GMDS: variants seen among roughly 807,000 people sequenced by gnomAD.
GMDS encodes the protein GDP-mannose 4,6-dehydratase.
A neutral mutation model predicts 49.9 loss-of-function variants in GMDS; 20 were observed. The ratio of observed to expected loss-of-function variants is 0.40; its 90% confidence interval spans 0.28 to 0.58. The LOEUF (loss-of-function observed/expected upper bound fraction) is 0.58. GMDS is among the 20% of genes least tolerant of loss of function. GMDS has a pLI of 0.42. For synonymous variants in GMDS, 177 were observed against 178.6 expected, an observed-to-expected ratio of 0.99 and a Z score of 0.07; for missense variants, 362 against 481.4, an observed-to-expected ratio of 0.75 and a Z score of 2.32.
chr6:1,989,599 G>C (rs1765796330), intron 4 of GMDS, among the ~76,000 whole-genome samples: 1 of 152,206 alleles, frequency 6.6e-6, no homozygotes, highest in Admixed American at 6.5e-5. Flanking sequence ...ACGCAAAAAA[G>C]CTCTGAGTAC....
chr6:1,821,852 G>T (rs954478195), intron 7 of GMDS, among the ~76,000 whole-genome samples: 2 of 152,032 alleles, frequency 1.3e-5, no homozygotes, highest in African/African-American at 4.8e-5. Context: ...TTGCGGCGGG[G>T]GAGGGGACGC....
chr6:2,117,137 G>A (rs983799795), intron 3 of GMDS, among the ~76,000 whole-genome samples: 2 of 152,112 alleles, frequency 1.3e-5, no homozygotes, highest in African/African-American at 2.4e-5. Flanking sequence ...TATAAAAAGC[G>A]GGTCGGTGCA....
chr6:1,877,908 A>C (rs1197893571), intron 7 of GMDS, among the ~76,000 whole-genome samples: 1 of 152,180 alleles, frequency 6.6e-6, no homozygotes, highest in Non-Finnish European at 1.5e-5. Context: ...AACTTTTAAG[A>C]TTTAGAGGTT....
intron 7 of GMDS, among the ~76,000 whole-genome samples, chr6:1,783,688 G>C (rs943935373): frequency 3.9e-5 from 6 of 152,000 alleles, no homozygotes; most frequent in African/African-American, 1.5e-4. Context: ...TAAATACTTG[G>C]CTATTTTAAG....
intron 7 of GMDS, among the ~76,000 whole-genome samples, chr6:1,752,624 G>A (rs1767778804): frequency 6.6e-6 from 1 of 152,150 alleles, no homozygotes. Flanking sequence ...GAATGTTAAG[G>A]GCAGTCAGAG....
chr6:1,839,939 CTG>C (rs1008310263), intron 7 of GMDS, among the ~76,000 whole-genome samples: 1 of 152,156 alleles, frequency 6.6e-6, no homozygotes, highest in Non-Finnish European at 1.5e-5. Flanking sequence ...ATTTTGGAAA[CTG>C]TTTTCATTTG....
chr6:2,015,554 A>T (rs1167568498), intron 4 of GMDS, among the ~76,000 whole-genome samples: 1 of 152,212 alleles, frequency 6.6e-6, no homozygotes, highest in Admixed American at 6.5e-5. Flanking sequence ...ATTAGGAAAG[A>T]GGAAAGTTCT....
chr6:1,733,508 G>A (rs932704102), intron 8 of GMDS, among the ~76,000 whole-genome samples: 15 of 152,204 alleles, frequency 9.9e-5, no homozygotes, highest in African/African-American at 2.4e-4. Context: ...TATAAAAGAC[G>A]AGAGGGAGCC....
chr6:2,082,393 G>A (rs998368439), intron 4 of GMDS, among the ~76,000 whole-genome samples: 4 of 152,194 alleles, frequency 2.6e-5, no homozygotes, highest in Admixed American at 2.6e-4. Flanking sequence ...TGTCACTGCT[G>A]CTGGCCAGGC....
intron 1 of GMDS, among the ~76,000 whole-genome samples, chr6:2,139,815 A>T (rs574607861): frequency 2.0e-5 from 3 of 152,252 alleles, no homozygotes; most frequent in East Asian, 1.9e-4. Context: ...GTGTGTTAAA[A>T]ATATATATAT....
intron 7 of GMDS, among the ~76,000 whole-genome samples, chr6:1,843,782 A>AATGC (rs1757255741): frequency 6.6e-6 from 1 of 152,060 alleles, no homozygotes; most frequent in South Asian, 2.1e-4. Context: ...TAAATAAATA[A>AATGC]ATGCATGCAT....
intron 1 of GMDS, among the ~76,000 whole-genome samples, chr6:2,153,425 A>T (rs1272040971): frequency 6.6e-6 from 1 of 152,214 alleles, no homozygotes; most frequent in African/African-American, 2.4e-5. Context: ...GGAGGGAAAA[A>T]ATTTATGAAT....
chr6:1,735,563 G>A (rs1008138620), intron 8 of GMDS, among the ~76,000 whole-genome samples: 2 of 152,044 alleles, frequency 1.3e-5, no homozygotes, highest in Non-Finnish European at 2.9e-5. Context: ...GGCATTTGAC[G>A]AGCCCAGTGT....
intron 1 of GMDS, among the ~76,000 whole-genome samples, chr6:2,182,478 C>G (rs1455359769): frequency 6.6e-6 from 1 of 152,192 alleles, no homozygotes; most frequent in Non-Finnish European, 1.5e-5. Flanking sequence ...CAATGCCTAT[C>G]TTCACAGCTT....
chr6:1,936,467 A>G (rs1762537277), intron 6 of GMDS, among the ~76,000 whole-genome samples: 1 of 152,202 alleles, frequency 6.6e-6, no homozygotes, highest in South Asian at 2.1e-4. Flanking sequence ...CTGTGGCCAC[A>G]AGGCAAGGGA....
chr6:2,039,489 T>G (rs986311873), intron 4 of GMDS, among the ~76,000 whole-genome samples: 1 of 152,216 alleles, frequency 6.6e-6, no homozygotes, highest in African/African-American at 2.4e-5. Context: ...TTTGTAATAT[T>G]ACATAGCTGA....
At chr6:1,842,639 A>T (rs1371773892) in intron 7 of GMDS, among the ~76,000 whole-genome samples, 3 of 152,350 alleles carry the variant, frequency 2.0e-5, no homozygotes, top group African/African-American at 7.2e-5. Flanking sequence ...GCCTACCTCC[A>T]AATGTCGGAT....
chr6:1,659,435 T>G (rs1015951442), intron 9 of GMDS, among the ~76,000 whole-genome samples: 1 of 152,078 alleles, frequency 6.6e-6, no homozygotes, highest in Non-Finnish European at 1.5e-5. Flanking sequence ...CTGTCTCACA[T>G]GCATTCCATC....
At chr6:1,713,865 A>G (rs1287070770) in intron 9 of GMDS, among the ~76,000 whole-genome samples, 1 of 152,214 alleles carries the variant, frequency 6.6e-6, no homozygotes, top group Non-Finnish European at 1.5e-5. Context: ...ATACTCAATC[A>G]GGCCATTTCT....
Sources: allele counts gnomAD v4.1 joint callset (sites outside exome capture counted in the v4.1 genomes callset), GRCh38; gene constraint gnomAD v4.1.1; transcripts MANE v1.5; gene names NCBI Gene and HGNC (gene_info 2026-07-23, HGNC 2026-07-21).